USH2A: variants seen among roughly 807,000 people sequenced by gnomAD.
The protein encoded by USH2A is usherin.
In USH2A, 443 loss-of-function variants were observed where a neutral mutation model predicts 538.9. That is an observed-to-expected ratio of 0.82 (90% CI 0.76 to 0.89). The LOEUF (loss-of-function observed/expected upper bound fraction) is 0.89. Ranked by LOEUF, USH2A falls within the 40% of genes least tolerant of loss-of-function variation. USH2A has a pLI of 0.00. For synonymous variants in USH2A, 2,413 were observed against 2,273.5 expected (o/e 1.06, Z -1.75); for missense variants, 6,633 against 6,324.8 (o/e 1.05, Z -1.65).
chr1:216,156,283 T>C (rs1332415652), intron 21 of USH2A, among the ~76,000 whole-genome samples: 1 of 123,520 alleles, frequency 8.1e-6, no homozygotes, highest in Non-Finnish European at 1.6e-5. Flanking sequence ...TTTCTTTCTT[T>C]CTTTTTTTTT....
chr1:216,201,011 C>CCCTTCCTTCCTTCCTT (rs1246221491), intron 16 of USH2A, among the ~76,000 whole-genome samples: 76 of 39,044 alleles, frequency 1.9e-3, no homozygotes, highest in Non-Finnish European at 2.7e-3. Flanking sequence ...CTCCCTCCCT[C>CCCTTCCTTCCTTCCTT]CCTTCCTTCC....
At position 216,104,045 on chromosome 1, in the gene USH2A, AT is replaced by A. The variant is rs376797068; in HGVS notation, c.4628-6833del. ...AATCCAGTCTTTGACTTACCTTTTC[AT>A]TTTTTTTTTAATTTAAAGTTTTGAT... On this transcript the variant is annotated intron_variant, in intron 21 of 71. Transcript: ENST00000307340. Among the ~76,000 whole-genome samples the A allele has an allele frequency of 1.2e-3, 185 of 149,804 alleles. 3 individuals carry two copies. In the South Asian group the frequency reaches 0.023, roughly 19 times the overall value.
At chr1:216,301,260 G>A (rs2037212109) in intron 9 of USH2A, among the ~76,000 whole-genome samples, 1 of 152,150 alleles carries the variant, frequency 6.6e-6, no homozygotes, top group South Asian at 2.1e-4. Context: ...CCTTGCAAAA[G>A]GCTGGGGGCT....
In USH2A at chr1:215,650,615, T is replaced by C. The variant is rs1558037854; in HGVS notation, c.14320A>G (p.Ser4774Gly). ...IVSLYRLFSS[S>G]AHGAETVLSE... ...ACCACTGTCTCAGCCCCATGGGCGC[T>C]GCTGGAGAACAGCCTGTAGAGACTG... is the stretch of plus-strand genomic sequence containing the variant. Residue 4774 changes from serine (S) to glycine (G), a missense_variant, in exon 65 of 72, where the codon AGC becomes GGC. Physicochemically the swap from Ser to Gly is moderately conservative, Grantham distance 56. Transcript: ENST00000307340. 1.2e-6 allele frequency: 2 copies of C among 1,614,214 alleles called. No homozygotes were observed. Among genetic ancestry groups the C allele is most frequent in the Non-Finnish European group, 1.7e-6 (2 of 1,180,032 alleles).
At chr1:216,337,326 T>C (rs1044439573) in intron 4 of USH2A, among the ~76,000 whole-genome samples, 9 of 151,288 alleles carry the variant, frequency 5.9e-5, no homozygotes, top group Non-Finnish European at 8.9e-5. Context: ...CTGAAGCATA[T>C]AGATATTAAG....
intron 9 of USH2A, 84 bp downstream of exon 9, chr1:216,321,799 T>C: frequency 2.4e-6 from 3 of 1,234,870 alleles, no homozygotes; most frequent in Non-Finnish European, 3.6e-6. Flanking sequence ...TTTCATTTGT[T>C]AGGCCAAGAT....
intron 61 of USH2A, among the ~76,000 whole-genome samples, chr1:215,701,041 A>G (rs940772662): frequency 2.0e-5 from 3 of 152,108 alleles, no homozygotes; most frequent in African/African-American, 2.4e-5. Context: ...GAACGTATGT[A>G]TTTTTGCTTT....
At chr1:215,711,803 C>A (rs1018520260) in intron 61 of USH2A, among the ~76,000 whole-genome samples, 1 of 152,174 alleles carries the variant, frequency 6.6e-6, no homozygotes, top group Admixed American at 6.5e-5. Context: ...ATTGACCACA[C>A]TCTATTTCAC....
chr1:216,316,957 G>C (rs991760843), intron 9 of USH2A, among the ~76,000 whole-genome samples: 2 of 152,154 alleles, frequency 1.3e-5, no homozygotes, highest in African/African-American at 4.8e-5. Context: ...ATTTGTTTAA[G>C]TTCCTTCTAG....
At chr1:216,153,779 G>T (rs2033886873) in intron 21 of USH2A, among the ~76,000 whole-genome samples, 1 of 152,182 alleles carries the variant, frequency 6.6e-6, no homozygotes, top group African/African-American at 2.4e-5. Flanking sequence ...TAACAGCTCT[G>T]TAAATTAAAG....
intron 21 of USH2A, among the ~76,000 whole-genome samples, chr1:216,149,474 A>G (rs1338674060): frequency 2.0e-5 from 3 of 152,148 alleles, no homozygotes; most frequent in African/African-American, 4.8e-5. Flanking sequence ...TTTAAAAGGC[A>G]CACCTCACCA....
chr1:216,055,555 TG>T (rs995342144), intron 30 of USH2A, among the ~76,000 whole-genome samples: 4 of 152,184 alleles, frequency 2.6e-5, no homozygotes, highest in African/African-American at 9.7e-5. Flanking sequence ...AAGGAACCTC[TG>T]AAAATAAAGT....
At chr1:215,728,424 A>C (rs1317405694) in intron 60 of USH2A, 40 bp from the exon 61 acceptor site, 2 of 1,591,324 alleles carry the variant, frequency 1.3e-6, no homozygotes, top group Admixed American at 3.4e-5. Context: ...ACAGCTGCAC[A>C]CTTCAAAACA....
intron 4 of USH2A, among the ~76,000 whole-genome samples, chr1:216,356,292 G>A (rs1349631652): frequency 6.6e-6 from 1 of 151,914 alleles, no homozygotes; most frequent in Non-Finnish European, 1.5e-5. Context: ...TACAAATTAG[G>A]TGTCTCTGGC....
chr1:215,931,291 G>C (rs1215589049), intron 38 of USH2A, among the ~76,000 whole-genome samples: 1 of 151,810 alleles, frequency 6.6e-6, no homozygotes, highest in East Asian at 1.9e-4. Flanking sequence ...GGTAGGACTG[G>C]CAAATAAGAT....
chr1:215,911,449 AT>A (rs141345191), intron 38 of USH2A, among the ~76,000 whole-genome samples: 4,237 of 152,084 alleles, frequency 0.028, 221 homozygotes, highest in African/African-American at 0.098. Flanking sequence ...AAATGAGAAC[AT>A]GCCACATTTG....
intron 43 of USH2A, among the ~76,000 whole-genome samples, chr1:215,871,888 T>C (rs1446076109): frequency 6.6e-6 from 1 of 152,198 alleles, no homozygotes; most frequent in Non-Finnish European, 1.5e-5. Flanking sequence ...GGGCAAAATA[T>C]GTGAAGGCTT....
intron 23 of USH2A, 74 bp from the exon 24 acceptor site, chr1:216,086,894 C>T (rs763638851): frequency 1.7e-6 from 2 of 1,145,928 alleles, no homozygotes; most frequent in Middle Eastern, 2.1e-4. Flanking sequence ...ATAATAAAAT[C>T]CTTCACCAGC....
chr1:216,147,482 C>A (rs1432258538), intron 21 of USH2A, among the ~76,000 whole-genome samples: 1 of 152,090 alleles, frequency 6.6e-6, no homozygotes, highest in Non-Finnish European at 1.5e-5. Context: ...TATAAAAATC[C>A]AGCCCAGTTC....
Sources: gnomAD v4.1 joint callset for allele counts (sites outside exome capture counted in the v4.1 genomes callset) on GRCh38, gnomAD v4.1.1 for gene constraint, MANE v1.5 for transcripts, NCBI Gene and HGNC (gene_info 2026-07-23, HGNC 2026-07-21) for gene names.